Variants in LRP4 observed in about 807,000 individuals in gnomAD.
LRP4 encodes the protein LDL receptor related protein 4, also known as low-density lipoprotein receptor-related protein 4.
In LRP4, 95 loss-of-function variants were observed where a neutral mutation model predicts 220.3. That is an observed-to-expected ratio of 0.43 (90% CI 0.37 to 0.51). LRP4 has a LOEUF of 0.51. Ranked by LOEUF, LRP4 falls within the 20% of genes least tolerant of loss-of-function variation. The probability of loss-of-function intolerance (pLI) is 0.00; values close to 1 mark genes in which losing one functional copy is unlikely to be tolerated. For missense variants in LRP4, 1,925 were observed against 2,567.0 expected (o/e 0.75, Z 5.40); for synonymous variants, 903 against 954.6 (o/e 0.95, Z 1.00).
chr11:46,864,609 G>A, intron 35 of LRP4, 74 bp from the exon 36 acceptor site: 1 of 1,008,832 alleles, frequency 9.9e-7, no homozygotes, highest in East Asian at 2.4e-5. Context: ...GGAATGGAAA[G>A]CTGAAAGGCT....
intron 20 of LRP4, among the ~76,000 whole-genome samples, chr11:46,880,300 C>CA (rs34098785): frequency 6.5e-4 from 55 of 84,244 alleles, no homozygotes; most frequent in African/African-American, 1.3e-3. Context: ...ACTGCAGTCT[C>CA]AAAAAAAAAA....
chr11:46,902,183 C>T (rs1427455815), intron 2 of LRP4, among the ~76,000 whole-genome samples: 1 of 151,454 alleles, frequency 6.6e-6, no homozygotes, highest in Admixed American at 6.6e-5. Flanking sequence ...AATGTTGAAA[C>T]CTCATCTCTA....
rs778751491 is a variant in LRP4 at position 46,876,727 on chromosome 11, C to G, written c.3364+17G>C. The stretch of plus-strand genomic sequence containing the variant: ...TGTTGCCAGACAGGTGGTCCCTGGG[C>G]TAGGAGGAAGGCCCACCTGTGGTGA... On this transcript the variant is annotated intron_variant, in intron 24 of 37. Coordinates refer to ENST00000378623, the MANE Select transcript of LRP4 (RefSeq NM_002334.4). 6.2e-7 allele frequency: 1 copy of G among 1,614,146 alleles called. No homozygotes were observed. The highest frequency in any genetic ancestry group is 1.1e-5 in the South Asian group (1 of 91,090).
chr11:46,863,058 T>C (rs561402449), intron 36 of LRP4: 9 of 386,506 alleles, frequency 2.3e-5, no homozygotes, highest in Admixed American at 1.8e-4. Flanking sequence ...TGTTGTAAGT[T>C]GTCCTATGGA....
intron 11 of LRP4, 47 bp from the exon 12 acceptor site, chr11:46,894,866 C>T (rs1372450121): frequency 2.0e-6 from 3 of 1,502,332 alleles, no homozygotes; most frequent in South Asian, 1.1e-5. Flanking sequence ...TTCAGAGCCG[C>T]CCCTGGTACC....
At chr11:46,892,236 C>G (rs1468588372) in intron 13 of LRP4, among the ~76,000 whole-genome samples, 1 of 152,102 alleles carries the variant, frequency 6.6e-6, no homozygotes, top group Admixed American at 6.6e-5. Flanking sequence ...CCCGGCCCCT[C>G]TATTAATTTT....
intron 19 of LRP4, among the ~76,000 whole-genome samples, chr11:46,882,494 C>T (rs1015576048): frequency 4.5e-4 from 67 of 150,300 alleles, no homozygotes; most frequent in African/African-American, 1.5e-3. Flanking sequence ...AAGAAAAAAA[C>T]AAAAAGAGAA....
At chr11:46,881,332 T>C (rs966592237) in intron 20 of LRP4, among the ~76,000 whole-genome samples, 7 of 152,108 alleles carry the variant, frequency 4.6e-5, no homozygotes, top group Non-Finnish European at 7.3e-5. Context: ...TTTCTGTAAG[T>C]TTGAAATTAT....
intron 13 of LRP4, among the ~76,000 whole-genome samples, chr11:46,891,440 C>T (rs1334540881): frequency 2.0e-5 from 3 of 147,852 alleles, no homozygotes; most frequent in Admixed American, 6.8e-5. Flanking sequence ...CACACACACA[C>T]ACACACACAC....
chr11:46,884,187 A>G (rs1941227724), intron 18 of LRP4, among the ~76,000 whole-genome samples: 3 of 152,226 alleles, frequency 2.0e-5, no homozygotes, highest in Admixed American at 2.0e-4. Flanking sequence ...AAAGAGCAAG[A>G]CTTCCCAAAC....
chr11:46,868,722 A>G lies in LRP4; in HGVS notation c.4838-9T>C, dbSNP rs1477626999. The G allele has an allele frequency of 6.3e-7, 1 of 1,575,774 alleles. No homozygotes were observed. The highest frequency in any genetic ancestry group is 1.7e-5 in the Admixed American group (1 of 59,964). ...ACCACAGGCATTGGTCCCTGGAGGC[A>G]AAGTAGATGAATGTCTTATCTGGGA... On this transcript the variant is annotated splice_polypyrimidine_tract_variant and intron_variant, in intron 32 of 37. Coordinates refer to ENST00000378623, the MANE Select transcript of LRP4 (RefSeq NM_002334.4).
Position 46,859,321 on chromosome 11 carries a change from G to A in LRP4, c.5386-6C>T, listed in dbSNP as rs17848238. 1 of 1,606,898 alleles carries A rather than the reference G, an allele frequency of 6.2e-7. No homozygotes were observed. The highest frequency in any genetic ancestry group is 1.3e-5 in the African/African-American group (1 of 74,744). On this transcript the variant is annotated splice_region_variant and splice_polypyrimidine_tract_variant and intron_variant, in intron 37 of 37. Transcript: ENST00000378623. The stretch of plus-strand genomic sequence containing the variant: ...TAGTTATGGTCAGGCCCTCCCTAGG[G>A]TGGAGAGTGGGCAGATATGGTCAGT...
In LRP4 at chr11:46,875,556, G is replaced by A. The variant is rs200028319; in HGVS notation, c.3825C>T (p.Ile1275=). 2.7e-5 allele frequency: 43 copies of A among 1,614,134 alleles called. No individual in the cohort carries two copies. The South Asian group carries it at 3.2e-4, about 12-fold the overall frequency. ...IYWTDWQTRS[I]HRADKGTGSN... is the part of the protein sequence containing the mutation. ...TGCCAGTACCCTTGTCAGCACGGTG[G>A]ATGCTCCGAGTCTGCCAGTCAGTCC... Residue 1275 remains isoleucine, a synonymous_variant, in exon 27 of 38, where the codon ATC becomes ATT. Coordinates refer to ENST00000378623, the MANE Select transcript of LRP4 (RefSeq NM_002334.4). This position sits in a 1 kb window ranked among gnomAD's most constrained non-coding sequence, Gnocchi z 4.5.
chr11:46,864,953 G>A (rs1233473871), intron 35 of LRP4, among the ~76,000 whole-genome samples, 166 bp downstream of exon 35: 1 of 152,186 alleles, frequency 6.6e-6, no homozygotes, highest in African/African-American at 2.4e-5. Context: ...CATACCATAA[G>A]CTGTCACTGT....
At chr11:46,900,097 G>A (rs968207877) in intron 3 of LRP4, 121 bp from the exon 4 acceptor site, 7 of 992,386 alleles carry the variant, frequency 7.1e-6, no homozygotes, top group Non-Finnish European at 1.1e-5. Flanking sequence ...TCCGAAGGAG[G>A]TGGCTGCCTC....
chr11:46,905,620 G>A (rs2134875352), intron 1 of LRP4, among the ~76,000 whole-genome samples: 1 of 152,246 alleles, frequency 6.6e-6, no homozygotes, highest in African/African-American at 2.4e-5. Flanking sequence ...GGAGGCCCAG[G>A]TGGGCGGATC....
In LRP4 at chr11:46,899,560, C is replaced by T. The variant is rs891181834; in HGVS notation, c.431-57G>A. On this transcript the variant is annotated intron_variant, in intron 4 of 37. Coordinates refer to ENST00000378623, the MANE Select transcript of LRP4 (RefSeq NM_002334.4). The surrounding 1 kb of genome is among the most constrained non-coding windows in gnomAD (Gnocchi z 5.9). The stretch of plus-strand genomic sequence containing the variant: ...GGGGGCCCCACAGGCAACCCTCTCA[C>T]CCTCCTCTCTGACTCCCAACCTCAC... 1.5e-5 allele frequency: 18 copies of T among 1,211,932 alleles called. No homozygotes were observed. Among genetic ancestry groups the T allele is most frequent in the Middle Eastern group, 2.1e-4 (1 of 4,714 alleles). The allele number at this position is 1,211,932 out of a possible 1,614,324, so 75.1% of individuals were successfully genotyped here.
chr11:46,891,299 A>G (rs940786849), intron 13 of LRP4, among the ~76,000 whole-genome samples: 67 of 152,046 alleles, frequency 4.4e-4, no homozygotes, highest in Non-Finnish European at 1.5e-4. Context: ...TTTTTAGTAG[A>G]GATGGGGTTT....
intron 31 of LRP4, among the ~76,000 whole-genome samples, 175 bp from the exon 32 acceptor site, chr11:46,869,307 C>T (rs140843684): frequency 1.1e-3 from 169 of 152,348 alleles, no homozygotes; most frequent in African/African-American, 3.9e-3. Flanking sequence ...TCCCCAAATC[C>T]ATATAGACTT....
Sources: allele counts gnomAD v4.1 joint callset (sites outside exome capture counted in the v4.1 genomes callset), GRCh38; gene constraint gnomAD v4.1.1; non-coding constraint Gnocchi (gnomAD v3.1); transcripts MANE v1.5; gene names NCBI Gene and HGNC (gene_info 2026-07-23, HGNC 2026-07-21).